The following TSPAN9 variants were observed in gnomAD, a reference collection of about 807,000 sequenced individuals.
TSPAN9 encodes the protein tetraspanin 9.
A neutral mutation model predicts 31.0 loss-of-function variants in TSPAN9; 16 were observed. The ratio of observed to expected loss-of-function variants is 0.52; its 90% CI spans 0.35 to 0.78. TSPAN9 has a LOEUF of 0.78. TSPAN9 is among the 30% of genes least tolerant of loss of function. The pLI is 0.01. For synonymous variants in TSPAN9, 145 were observed against 121.6 expected, an observed-to-expected ratio of 1.19 and a Z score of -1.27; for missense variants, 272 against 312.5, an observed-to-expected ratio of 0.87 and a Z score of 0.98.
chr12:3,212,276 T>C (rs1386502657), intron 3 of TSPAN9, among the ~76,000 whole-genome samples: 1 of 152,206 alleles, frequency 6.6e-6, no homozygotes, highest in Non-Finnish European at 1.5e-5. Context: ...GGCTTATCTT[T>C]ATATTTCTAT....
At chr12:3,104,058 T>C (rs1262744862) in intron 2 of TSPAN9, among the ~76,000 whole-genome samples, 2 of 152,084 alleles carry the variant, frequency 1.3e-5, no homozygotes, top group African/African-American at 4.8e-5. Flanking sequence ...GGAGTGAACC[T>C]GTGAACATCT....
intron 2 of TSPAN9, among the ~76,000 whole-genome samples, chr12:3,182,928 C>A (rs2098359200): frequency 6.6e-6 from 1 of 152,222 alleles, no homozygotes. Context: ...GAGACAGGGT[C>A]AGGGCCGCAT....
chr12:3,082,200 T>C (rs1041402786), intron 1 of TSPAN9, among the ~76,000 whole-genome samples: 1 of 152,166 alleles, frequency 6.6e-6, no homozygotes, highest in Non-Finnish European at 1.5e-5. Context: ...AGGAGCACCA[T>C]TGCATGCAGC....
intron 2 of TSPAN9, among the ~76,000 whole-genome samples, chr12:3,141,898 T>C (rs1201426518): frequency 6.6e-6 from 1 of 152,154 alleles, no homozygotes; most frequent in East Asian, 1.9e-4. Flanking sequence ...ACCTCAGACT[T>C]GGATGCAAGG....
intron 3 of TSPAN9, among the ~76,000 whole-genome samples, chr12:3,231,271 C>T (rs1257929739): frequency 1.3e-5 from 2 of 152,122 alleles, no homozygotes; most frequent in African/African-American, 4.8e-5. Context: ...AACTCTGTGA[C>T]CTTGGGCCAG....
chr12:3,196,075 C>T (rs929138837), intron 2 of TSPAN9, among the ~76,000 whole-genome samples: 1 of 152,182 alleles, frequency 6.6e-6, no homozygotes, highest in Admixed American at 6.5e-5. Context: ...TTTGTGTCTT[C>T]CGTGGGTCCT....
chr12:3,081,844 G>GTGTGTATATATATATATATATA (rs57812985), intron 1 of TSPAN9, among the ~76,000 whole-genome samples: 27 of 116,770 alleles, frequency 2.3e-4, no homozygotes, highest in African/African-American at 7.3e-4. Context: ...GTCTGTGTGT[G>GTGTGTATATATATATATATATA]TATATATATG....
intron 2 of TSPAN9, among the ~76,000 whole-genome samples, chr12:3,093,783 G>A (rs1423448166): frequency 3.3e-5 from 5 of 152,166 alleles, no homozygotes; most frequent in South Asian, 2.1e-4. Flanking sequence ...AACCCCTGCC[G>A]TTAGATGTTT....
At chr12:3,114,202 GC>G (rs1342482394) in intron 2 of TSPAN9, among the ~76,000 whole-genome samples, 2 of 152,212 alleles carry the variant, frequency 1.3e-5, no homozygotes, top group African/African-American at 2.4e-5. Context: ...AGAAGTGGCT[GC>G]AGACACTACG....
intron 3 of TSPAN9, among the ~76,000 whole-genome samples, chr12:3,224,208 C>T (rs180920878): frequency 3.3e-5 from 5 of 152,312 alleles, no homozygotes; most frequent in African/African-American, 1.2e-4. Context: ...GTGGCCCTTC[C>T]ATCTCTCTGT....
intron 2 of TSPAN9, among the ~76,000 whole-genome samples, chr12:3,163,714 T>C (rs2098346758): frequency 6.6e-6 from 1 of 152,156 alleles, no homozygotes; most frequent in South Asian, 2.1e-4. Flanking sequence ...TGCGTATAAT[T>C]TACATATCTC....
intron 3 of TSPAN9, among the ~76,000 whole-genome samples, chr12:3,242,055 C>T (rs2098396860): frequency 6.6e-6 from 1 of 152,234 alleles, no homozygotes; most frequent in Non-Finnish European, 1.5e-5. Context: ...CATTCTTGCT[C>T]CCCGCCCACC....
chr12:3,256,745 C>T (rs1047976787), intron 3 of TSPAN9, among the ~76,000 whole-genome samples: 9 of 152,252 alleles, frequency 5.9e-5, no homozygotes, highest in East Asian at 1.9e-4. Context: ...ACGACTATTT[C>T]GCATTGCCTA....
intron 2 of TSPAN9, among the ~76,000 whole-genome samples, chr12:3,186,634 A>G (rs975722644): frequency 2.0e-5 from 3 of 152,066 alleles, no homozygotes; most frequent in Admixed American, 6.5e-5. Flanking sequence ...ATGAGAAGGC[A>G]TTAGGGGGTT....
intron 3 of TSPAN9, among the ~76,000 whole-genome samples, chr12:3,218,331 AGG>A (rs952138315): frequency 1.3e-5 from 2 of 152,316 alleles, no homozygotes; most frequent in African/African-American, 4.8e-5. Flanking sequence ...AGGAAAGAGG[AGG>A]AGGCGTGTTC....
At chr12:3,200,757 G>GC (rs1039307709) in intron 2 of TSPAN9, 14 of 153,764 alleles carry the variant, frequency 9.1e-5, no homozygotes, top group African/African-American at 3.4e-4. Context: ...ACAGGCAGCA[G>GC]CCCCTGGGCG....
intron 3 of TSPAN9, among the ~76,000 whole-genome samples, chr12:3,213,280 G>A (rs1175152929): frequency 1.3e-5 from 2 of 152,188 alleles, no homozygotes; most frequent in African/African-American, 4.8e-5. Flanking sequence ...TGTGCCTTCT[G>A]TTCTCTGTAC....
intron 2 of TSPAN9, among the ~76,000 whole-genome samples, chr12:3,088,602 C>T (rs542577055): frequency 1.8e-4 from 28 of 152,178 alleles, no homozygotes; most frequent in Admixed American, 2.6e-4. Flanking sequence ...GTCTCCTGGA[C>T]GGAGCAGTTC....
chr12:3,270,990 C>T (rs1442946139), intron 3 of TSPAN9, among the ~76,000 whole-genome samples: 3 of 152,194 alleles, frequency 2.0e-5, no homozygotes, highest in South Asian at 2.1e-4. Flanking sequence ...TAAGTTTGGC[C>T]GTGGGTAGAC....
Sources: allele counts gnomAD v4.1 joint callset (sites outside exome capture counted in the v4.1 genomes callset), GRCh38; gene constraint gnomAD v4.1.1; transcripts MANE v1.5; gene names NCBI Gene and HGNC (gene_info 2026-07-23, HGNC 2026-07-21).